Variants in SLC5A9 observed in about 807,000 individuals in gnomAD.
The protein encoded by SLC5A9 is solute carrier family 5 member 9, also known as sodium/glucose cotransporter 4.
SLC5A9 carries 59 observed loss-of-function variants against 70.9 expected under a neutral mutation model. The observed-to-expected ratio is 0.83, with a 90% CI of 0.68 to 1.03. The LOEUF (loss-of-function observed/expected upper bound fraction) is 1.03. Ranked by LOEUF, SLC5A9 falls within the 50% of genes least tolerant of loss-of-function variation. The pLI, the probability that SLC5A9 is intolerant of heterozygous loss-of-function variation, is 0.00. For missense variants in SLC5A9, 832 were observed against 881.1 expected, an observed-to-expected ratio of 0.94 and a Z score of 0.71; for synonymous variants, 340 against 346.5, an observed-to-expected ratio of 0.98 and a Z score of 0.21.
chr1:48,229,097 T>C (rs1644207764), intron 3 of SLC5A9, 143 bp downstream of exon 3: 1 of 1,613,960 alleles, frequency 6.2e-7, no homozygotes, highest in Non-Finnish European at 8.5e-7. Flanking sequence ...AGAATCCATT[T>C]CACAGATGAG....
chr1:48,224,797 T>C lies in SLC5A9; in HGVS notation c.234+2T>C. ...GGGAGGTCCATGAGCTGGTGGCCAG[T>C]GAGTTGACCCTTCTCAACCACCCCT... On this transcript the variant is annotated splice_donor_variant, in intron 2 of 13. Coordinates refer to ENST00000438567, the MANE Select transcript of SLC5A9 (RefSeq NM_001011547.3). LOFTEE classifies it high-confidence loss of function. 1 of 1,613,964 alleles carries C rather than the reference T, an allele frequency of 6.2e-7. No individual in the cohort carries two copies. The highest frequency in any genetic ancestry group is 8.5e-7 in the Non-Finnish European group (1 of 1,179,932).
rs889321932 is a variant in SLC5A9 at position 48,232,793 on chromosome 1, GAAAGAAAAGT to G, written c.1033+301_1033+310del. Reference sequence around the variant, plus strand: ...AGAGCAAGAGAAACCCTATTGAAAAGAAAGAAAAGTAAAGAAAAGAGAAGAGAAGAGAAAA... The same window carrying G: ...AGAGCAAGAGAAACCCTATTGAAAAGAAAGAAAAGAGAAGAGAAGAGAAAA... On this transcript the variant is annotated intron_variant, in intron 8 of 13. Coordinates refer to ENST00000438567, the MANE Select transcript of SLC5A9 (RefSeq NM_001011547.3). Among the ~76,000 whole-genome samples, 5 of 139,980 alleles carry G rather than the reference GAAAGAAAAGT, an allele frequency of 3.6e-5. No individual in the cohort carries two copies. The Admixed American group carries it at 3.8e-4, about 11-fold the overall frequency. 91.8% of individuals were successfully genotyped at this position (139,980 alleles called of 152,430 possible). A position where few individuals can be genotyped will look rare whatever the true frequency, so the allele number is the denominator to read the frequency against.
intron 13 of SLC5A9, among the ~76,000 whole-genome samples, chr1:48,244,832 A>AAATTATTTT (rs1247451660): frequency 8.6e-6 from 1 of 116,454 alleles, no homozygotes; most frequent in Non-Finnish European, 1.7e-5. Flanking sequence ...TATTATATAT[A>AAATTATTTT]TAAATTATAT....
chr1:48,231,510 G>A, intron 5 of SLC5A9, 35 bp from the exon 6 acceptor site: 1 of 1,611,800 alleles, frequency 6.2e-7, no homozygotes, highest in Non-Finnish European at 8.5e-7. Flanking sequence ...CCCCAAACTG[G>A]TGCTGACTGA....
At chr1:48,243,689 A>G (rs1384599992) in intron 13 of SLC5A9, among the ~76,000 whole-genome samples, 1 of 152,138 alleles carries the variant, frequency 6.6e-6, no homozygotes, top group African/African-American at 2.4e-5. Flanking sequence ...TACCTATATA[A>G]CAAACCTGCA....
chr1:48,231,075 C>G (rs1358573002), intron 5 of SLC5A9, among the ~76,000 whole-genome samples: 1 of 152,138 alleles, frequency 6.6e-6, no homozygotes. Context: ...CAGGCTGCCC[C>G]AGGCAGAGAC....
chr1:48,237,984 A>G (rs535042322), intron 11 of SLC5A9, 137 bp downstream of exon 11: 4 of 854,172 alleles, frequency 4.7e-6, no homozygotes, highest in Non-Finnish European at 7.1e-6. Flanking sequence ...CATCCAGCCT[A>G]GATTCATTCA....
intron 4 of SLC5A9, 74 bp from the exon 5 acceptor site, chr1:48,230,526 G>T: frequency 1.0e-6 from 1 of 958,942 alleles, no homozygotes; most frequent in South Asian, 1.3e-5. Context: ...TTGCTGGGCA[G>T]GCAGGTGATG....
chr1:48,235,140 C>A (rs952721476), intron 9 of SLC5A9, among the ~76,000 whole-genome samples: 1 of 152,100 alleles, frequency 6.6e-6, no homozygotes, highest in Non-Finnish European at 1.5e-5. Flanking sequence ...CTCCCTTGTT[C>A]AAGTGGAAAA....
intron 1 of SLC5A9, among the ~76,000 whole-genome samples, chr1:48,223,584 C>T (rs1217422550): frequency 2.6e-5 from 4 of 152,110 alleles, no homozygotes; most frequent in African/African-American, 2.4e-5. Context: ...GCCTGGTGCC[C>T]GATCAGCAGG....
chr1:48,244,073 C>T (rs1644422513), intron 13 of SLC5A9, among the ~76,000 whole-genome samples: 1 of 152,116 alleles, frequency 6.6e-6, no homozygotes, highest in Non-Finnish European at 1.5e-5. Context: ...AACGTCCAGG[C>T]AGAGAAATAA....
chr1:48,232,542 G>A, intron 8 of SLC5A9, 40 bp downstream of exon 8: 1 of 1,610,522 alleles, frequency 6.2e-7, no homozygotes, highest in African/African-American at 1.3e-5. Flanking sequence ...GGGATCTGAG[G>A]CTTTCAAGGA....
intron 13 of SLC5A9, among the ~76,000 whole-genome samples, chr1:48,244,737 T>A (rs1313979997): frequency 2.3e-5 from 3 of 133,020 alleles, no homozygotes; most frequent in African/African-American, 6.0e-5. Flanking sequence ...AAATATATAA[T>A]ATATATAAAT....
At chr1:48,229,067 G>C (rs755924150) in intron 3 of SLC5A9, 113 bp downstream of exon 3, 6 of 1,613,970 alleles carry the variant, frequency 3.7e-6, no homozygotes, top group Non-Finnish European at 5.1e-6. Context: ...ATGGTGAATC[G>C]AGAATCCATT....
At chr1:48,233,826 C>A (rs1015215514) in intron 9 of SLC5A9, 64 bp downstream of exon 9, 78 of 1,207,454 alleles carry the variant, frequency 6.5e-5, no homozygotes, top group Non-Finnish European at 9.0e-5. Flanking sequence ...TCTCCACTGC[C>A]CAGGAGGGAA....
At chr1:48,246,143 T>C (rs41341650) in intron 13 of SLC5A9, among the ~76,000 whole-genome samples, 3,677 of 152,262 alleles carry the variant, frequency 0.024, 159 homozygotes, top group African/African-American at 0.083. Context: ...AATTTAAATA[T>C]GAAGCTCTGT....
chr1:48,225,675 C>T (rs1384271554), intron 2 of SLC5A9, among the ~76,000 whole-genome samples: 1 of 152,060 alleles, frequency 6.6e-6, no homozygotes, highest in Non-Finnish European at 1.5e-5. Context: ...CACTCACATA[C>T]AAAGGCACCC....
At chr1:48,245,760 A>G (rs1557487115) in intron 13 of SLC5A9, among the ~76,000 whole-genome samples, 1 of 152,174 alleles carries the variant, frequency 6.6e-6, no homozygotes, top group Non-Finnish European at 1.5e-5. Flanking sequence ...TCAGGAGTCA[A>G]GACCAGCCTG....
chr1:48,244,725 TAAA>T (rs1644430568), intron 13 of SLC5A9, among the ~76,000 whole-genome samples: 2 of 136,680 alleles, frequency 1.5e-5, no homozygotes, highest in East Asian at 4.1e-4. Context: ...TATATATATA[TAAA>T]ATATATAATA....
Sources: gnomAD v4.1 joint callset for allele counts (sites outside exome capture counted in the v4.1 genomes callset) on GRCh38, gnomAD v4.1.1 for gene constraint, MANE v1.5 for transcripts, NCBI Gene and HGNC (gene_info 2026-07-23, HGNC 2026-07-21) for gene names.